The following ZNF571 variants were observed in gnomAD, a reference collection of about 807,000 sequenced individuals.
ZNF571 encodes zinc finger protein 571.
A neutral mutation model predicts 7.7 loss-of-function variants in ZNF571; 4 were observed. That is an observed-to-expected ratio of 0.52 (90% CI 0.25 to 1.18). The LOEUF is 1.18. Ranked by LOEUF, ZNF571 falls within the 50% of genes most tolerant of loss-of-function variation. The pLI, the probability that ZNF571 is intolerant of heterozygous loss-of-function variation, is 0.14. For missense variants in ZNF571, 704 were observed against 726.9 expected (o/e 0.97, Z 0.36); for synonymous variants, 251 against 232.4 (o/e 1.08, Z -0.73).
At position 37,564,741 on chromosome 19, in the gene ZNF571, A is replaced by G. The variant is rs1253264508; in HGVS notation, c.1687T>C (p.Cys563Arg). The change falls in exon 4 of 4, where the codon TGT becomes CGT. Residue 563 changes from cysteine (C) to arginine (R), a missense_variant. Cys to Arg is a radical substitution (Grantham distance 180). Transcript: ENST00000451802. ...TGEKPYECKE[C>R]GRAFSRGSEL... ...GAGCCACGACTAAAGGCCCTCCCAC[A>G]TTCCTTACATTCATAGGGTTTCTCT... 1.9e-6 allele frequency: 3 copies of G among 1,613,528 alleles called. No homozygotes were observed. Among genetic ancestry groups the G allele is most frequent in the East Asian group, 4.5e-5 (2 of 44,876 alleles).
chr19:37,591,324 T>C (rs1176120890), intron 1 of ZNF571, among the ~76,000 whole-genome samples: 1 of 152,112 alleles, frequency 6.6e-6, no homozygotes, highest in African/African-American at 2.4e-5. Context: ...ACTAGAATCA[T>C]GACAGAAAGA....
chr19:37,591,784 TTCGCCTGCC>T (rs1178416713), intron 1 of ZNF571, among the ~76,000 whole-genome samples: 9 of 152,052 alleles, frequency 5.9e-5, no homozygotes, highest in African/African-American at 2.2e-4. Flanking sequence ...CCTCAGGTGA[TTCGCCTGCC>T]TCGGCCTCCC....
At chr19:37,572,800 C>A (rs2043109766) in intron 3 of ZNF571, among the ~76,000 whole-genome samples, 1 of 152,112 alleles carries the variant, frequency 6.6e-6, no homozygotes, top group South Asian at 2.1e-4. Flanking sequence ...ATTTTACTTA[C>A]CAACTTATTT....
At chr19:37,566,750 T>C (rs2042874890) in intron 3 of ZNF571, among the ~76,000 whole-genome samples, 1 of 152,204 alleles carries the variant, frequency 6.6e-6, no homozygotes, top group South Asian at 2.1e-4. Context: ...TCCTTGCTTC[T>C]ATGATCTATT....
intron 3 of ZNF571, among the ~76,000 whole-genome samples, chr19:37,567,343 T>C (rs886280264): frequency 5.3e-5 from 8 of 152,344 alleles, no homozygotes; most frequent in African/African-American, 1.9e-4. Context: ...TGTTCCTTCA[T>C]TCATAAATCT....
intron 3 of ZNF571, among the ~76,000 whole-genome samples, chr19:37,576,057 A>G (rs188679308): frequency 6.6e-6 from 1 of 152,264 alleles, no homozygotes; most frequent in East Asian, 1.9e-4. Flanking sequence ...ACACACACAC[A>G]CACACACAAG....
rs776523142 is a variant in ZNF571, at chr19:37,565,270, T to C, written c.1158A>G (p.Ser386=). Residue 386 remains serine, a synonymous_variant, in exon 4 of 4, where the codon TCA becomes TCG. Transcript: ENST00000451802. ...SQLTYHLRVH[S]GERPYKCKEC... ...CTTTGCATTTATAAGGTCTCTCACC[T>C]GAATGAACTCTCAGGTGGTAAGTAA... The C allele has an allele frequency of 6.2e-7, 1 of 1,610,872 alleles. No homozygotes were observed. Among genetic ancestry groups the C allele is most frequent in the Non-Finnish European group, 8.5e-7 (1 of 1,178,772 alleles).
intron 3 of ZNF571, 32 bp downstream of exon 3, chr19:37,583,939 C>T: frequency 6.4e-7 from 1 of 1,558,324 alleles, no homozygotes; most frequent in Non-Finnish European, 8.7e-7. Flanking sequence ...TTATGGGGAA[C>T]AAATTCTGAA....
intron 1 of ZNF571, chr19:37,594,118 C>A (rs2043946679): frequency 6.6e-6 from 1 of 152,258 alleles, no homozygotes; most frequent in South Asian, 2.1e-4. Context: ...CCCCACAGGG[C>A]TGTCAAGCTA....
chr19:37,591,828 G>A (rs1234904757), intron 1 of ZNF571, among the ~76,000 whole-genome samples: 1 of 152,104 alleles, frequency 6.6e-6, no homozygotes, highest in Non-Finnish European at 1.5e-5. Context: ...ACAGGCGTGA[G>A]CCACCACACA....
intron 1 of ZNF571, among the ~76,000 whole-genome samples, chr19:37,590,740 AGT>A (rs1324748531): frequency 1.3e-5 from 2 of 152,158 alleles, no homozygotes; most frequent in Non-Finnish European, 2.9e-5. Context: ...CTTCTCTGTA[AGT>A]GTAATATTAT....
intron 3 of ZNF571, among the ~76,000 whole-genome samples, chr19:37,576,992 C>T (rs1462057043): frequency 1.3e-5 from 2 of 152,038 alleles, no homozygotes; most frequent in African/African-American, 4.8e-5. Context: ...TTCTGCAAAA[C>T]CTTAAAAGGT....
In ZNF571 at chr19:37,565,374, C is replaced by T; in HGVS notation, c.1054G>A (p.Glu352Lys). Residue 352 changes from glutamate (E) to lysine (K), a missense_variant, in exon 4 of 4, where the codon GAA becomes AAA. Physicochemically the swap from Glu to Lys is moderately conservative, Grantham distance 56 (BLOSUM62 1). Coordinates refer to ENST00000451802, the MANE Select transcript of ZNF571 (RefSeq NM_016536.5). Reference protein sequence around the residue: ...KAFLCASQLNEHQRIHTGEKP... With the variant: ...KAFLCASQLNKHQRIHTGEKP... ...TCTCCTGTATGAATTCTCTGATGTT[C>T]ATTCAGTTGGGAGGCACATAAAAAG... 1 of 1,613,612 alleles carries T rather than the reference C, an allele frequency of 6.2e-7. No individual in the cohort carries two copies. Among genetic ancestry groups the T allele is most frequent in the South Asian group, 1.1e-5 (1 of 91,032 alleles).
rs1600454833 is a variant in ZNF571, at chr19:37,565,292, G to A, written c.1136C>T (p.Thr379Ile). 1.2e-6 allele frequency: 2 copies of A among 1,610,870 alleles called. No individual in the cohort carries two copies. The highest frequency in any genetic ancestry group is 1.7e-6 in the Non-Finnish European group (2 of 1,178,582). ...GKTFFRGSQL[T>I]YHLRVHSGER... Reference sequence around the variant, plus strand: ...ACCTGAATGAACTCTCAGGTGGTAAGTAAGTTGTGAGCCACGAAAAAAGGT... The same window carrying A: ...ACCTGAATGAACTCTCAGGTGGTAAATAAGTTGTGAGCCACGAAAAAAGGT... Residue 379 changes from threonine to isoleucine, a missense_variant, in exon 4 of 4, where the codon ACT (threonine) becomes ATT (isoleucine). Transcript: ENST00000451802.
Position 37,564,975 on chromosome 19 carries a change from G to C in ZNF571, c.1453C>G (p.Arg485Gly). The C allele has an allele frequency of 1.9e-6, 3 of 1,613,430 alleles. No individual in the cohort carries two copies. Among genetic ancestry groups the C allele is most frequent in the Non-Finnish European group, 2.5e-6 (3 of 1,179,810 alleles). ...ECKECGKTFVRATQLTYHQRI... is the reference protein window; with the variant it reads ...ECKECGKTFVGATQLTYHQRI... ...TGATGATATGTAAGTTGTGTAGCAC[G>C]TACAAAGGTCTTCCCACATTCCTTA... The change falls in exon 4 of 4, where the codon CGT (arginine) becomes GGT (glycine). Residue 485 changes from arginine (R) to glycine (G), a missense_variant. Arg to Gly is a moderately radical substitution (Grantham distance 125). Transcript: ENST00000451802.
intron 1 of ZNF571, among the ~76,000 whole-genome samples, chr19:37,591,307 C>A (rs2043861656): frequency 6.6e-6 from 1 of 152,140 alleles, no homozygotes; most frequent in Non-Finnish European, 1.5e-5. Flanking sequence ...AATAAGCTAT[C>A]AACTCTACTA....
In ZNF571 at chr19:37,564,613, T is replaced by C. The variant is rs2042779388; in HGVS notation, c.1815A>G (p.Thr605=). ...CAAGGCTTTCTCAATTATGAAGCCT[T>C]GTATGTTGAGTAAGTTGTGAAGGAC... ...FRCPSQLTQH[T]RLHN is the part of the protein sequence containing the mutation. Residue 605 remains threonine (T), a synonymous_variant, in exon 4 of 4, where the codon ACA becomes ACG. Transcript: ENST00000451802. 1.3e-6 allele frequency: 2 copies of C among 1,539,394 alleles called. No individual in the cohort carries two copies. The highest frequency in any genetic ancestry group is 4.1e-5 in the Admixed American group (2 of 48,250).
intron 3 of ZNF571, among the ~76,000 whole-genome samples, chr19:37,571,028 A>T (rs1046050624): frequency 1.6e-4 from 25 of 152,248 alleles, no homozygotes; most frequent in African/African-American, 4.3e-4. Context: ...AGGAATAATT[A>T]TAACAAATTC....
chr19:37,593,430 G>C (rs964267701), intron 1 of ZNF571, among the ~76,000 whole-genome samples: 3 of 152,154 alleles, frequency 2.0e-5, no homozygotes, highest in African/African-American at 7.2e-5. Flanking sequence ...CAGGCCAGGC[G>C]CGGTGGCTCA....
Sources: allele counts gnomAD v4.1 joint callset (sites outside exome capture counted in the v4.1 genomes callset), GRCh38; gene constraint gnomAD v4.1.1; transcripts MANE v1.5; gene names NCBI Gene and HGNC (gene_info 2026-07-23, HGNC 2026-07-21).